OCIAD1: variants seen among roughly 807,000 people sequenced by gnomAD.
OCIAD1 encodes the protein OCIA domain-containing protein 1.
Under a neutral mutation model 38.9 loss-of-function variants are expected in OCIAD1, and 29 were observed. The ratio of observed to expected loss-of-function variants is 0.74; its 90% confidence interval spans 0.55 to 1.02. OCIAD1 has a LOEUF of 1.02. OCIAD1 is among the 50% of genes least tolerant of loss of function. OCIAD1 has a pLI of 0.00. For synonymous variants in OCIAD1, 110 were observed against 92.0 expected, an observed-to-expected ratio of 1.20 and a Z score of -1.12; for missense variants, 288 against 289.6, an observed-to-expected ratio of 0.99 and a Z score of 0.04.
chr4:48,842,164 T>G (rs911536500), intron 3 of OCIAD1, among the ~76,000 whole-genome samples: 2 of 152,230 alleles, frequency 1.3e-5, no homozygotes, highest in African/African-American at 4.8e-5. Context: ...ATTATCTACC[T>G]TATAGAAATA....
At chr4:48,815,503 T>G (rs1032870206) in intron 1 of OCIAD1, among the ~76,000 whole-genome samples, 29 of 152,304 alleles carry the variant, frequency 1.9e-4, no homozygotes, top group African/African-American at 6.7e-4. Context: ...GAATTTACAT[T>G]TCTTGGTAAG....
intron 1 of OCIAD1, among the ~76,000 whole-genome samples, chr4:48,807,117 T>C (rs1777036345): frequency 6.6e-6 from 1 of 152,080 alleles, no homozygotes; most frequent in African/African-American, 2.4e-5. Context: ...ATGTTACCCA[T>C]GCTAGTCTCA....
At chr4:48,832,541 A>T in intron 1 of OCIAD1, 79 bp from the exon 2 acceptor site, 1 of 1,026,988 alleles carries the variant, frequency 9.7e-7, no homozygotes, top group Non-Finnish European at 1.5e-6. Flanking sequence ...TAGTAGTTTT[A>T]CTATATCATA....
At chr4:48,857,120 T>C (rs538721720) in intron 7 of OCIAD1, 93 bp from the exon 8 acceptor site, 1 of 615,214 alleles carries the variant, frequency 1.6e-6, no homozygotes, top group Admixed American at 3.3e-5. Context: ...ATTTTGATTG[T>C]AGCTCCTTTT....
intron 6 of OCIAD1, 69 bp from the exon 7 acceptor site, chr4:48,851,737 A>G (rs1779492665): frequency 1.2e-6 from 1 of 840,916 alleles, no homozygotes; most frequent in Admixed American, 2.5e-5. Context: ...GAAAGAAGTT[A>G]TTTTAACACT....
chr4:48,852,541 G>C (rs1235405742), intron 7 of OCIAD1: 1 of 152,146 alleles, frequency 6.6e-6, no homozygotes, highest in Non-Finnish European at 1.5e-5. Context: ...TTAAGGCTTG[G>C]ATTTGAATCA....
chr4:48,843,808 G>A (rs142254708), intron 4 of OCIAD1, among the ~76,000 whole-genome samples: 3 of 152,264 alleles, frequency 2.0e-5, no homozygotes, highest in East Asian at 3.9e-4. Context: ...GTTTATTATT[G>A]TTCTGCTTCT....
At chr4:48,858,159 C>G (rs763777779) in intron 8 of OCIAD1, among the ~76,000 whole-genome samples, 1 of 151,546 alleles carries the variant, frequency 6.6e-6, no homozygotes, top group Admixed American at 6.6e-5. Flanking sequence ...GTTCCCCCCT[C>G]CCCCCGCCAA....
chr4:48,837,118 C>T, intron 3 of OCIAD1: 1 of 152,104 alleles, frequency 6.6e-6, no homozygotes, highest in Non-Finnish European at 1.5e-5. Context: ...ATTACAGGCG[C>T]CTGCCACCAT....
intron 7 of OCIAD1, among the ~76,000 whole-genome samples, chr4:48,855,421 T>C (rs1779939813): frequency 6.6e-6 from 1 of 152,222 alleles, no homozygotes; most frequent in South Asian, 2.1e-4. Flanking sequence ...AAGAAAAATG[T>C]AGTTTTGAAC....
At chr4:48,807,607 T>A (rs1386541669) in intron 1 of OCIAD1, among the ~76,000 whole-genome samples, 15 of 152,226 alleles carry the variant, frequency 9.9e-5, no homozygotes, top group Admixed American at 2.0e-4. Context: ...TGCCTTTTTT[T>A]AAAAGTATGT....
intron 1 of OCIAD1, among the ~76,000 whole-genome samples, chr4:48,821,890 C>T (rs777079658): frequency 4.0e-5 from 6 of 151,876 alleles, no homozygotes; most frequent in South Asian, 4.1e-4. Flanking sequence ...CAAGGAAATA[C>T]GAGAGGACAC....
intron 5 of OCIAD1, among the ~76,000 whole-genome samples, chr4:48,848,901 C>T (rs1779184718): frequency 6.6e-6 from 1 of 151,952 alleles, no homozygotes; most frequent in Non-Finnish European, 1.5e-5. Context: ...AGCTACATTG[C>T]CCATCAATGA....
chr4:48,857,679 A>T (rs1780186181), intron 8 of OCIAD1, among the ~76,000 whole-genome samples: 1 of 151,840 alleles, frequency 6.6e-6, no homozygotes, highest in African/African-American at 2.4e-5. Context: ...ACGCCCAGCT[A>T]ATTTTTTGTA....
intron 5 of OCIAD1, among the ~76,000 whole-genome samples, chr4:48,849,225 C>T (rs1244794469): frequency 2.0e-5 from 3 of 151,940 alleles, no homozygotes; most frequent in Non-Finnish European, 4.4e-5. Flanking sequence ...AGCACACCAA[C>T]GTGGCACATG....
intron 1 of OCIAD1, among the ~76,000 whole-genome samples, chr4:48,825,571 C>T (rs535080730): frequency 1.3e-5 from 2 of 152,282 alleles, no homozygotes; most frequent in South Asian, 2.1e-4. Flanking sequence ...TCTAAATCAC[C>T]TCAGAGGACC....
At chr4:48,844,789 A>T (rs1324830719) in intron 4 of OCIAD1, among the ~76,000 whole-genome samples, 2 of 152,180 alleles carry the variant, frequency 1.3e-5, no homozygotes, top group Admixed American at 1.3e-4. Context: ...TAAGTCTCTG[A>T]TATAAAACGG....
intron 1 of OCIAD1, among the ~76,000 whole-genome samples, chr4:48,822,768 G>A (rs1160960797): frequency 1.3e-5 from 2 of 152,028 alleles, no homozygotes; most frequent in Non-Finnish European, 2.9e-5. Flanking sequence ...ACATTTATGT[G>A]GCCAACAAAC....
chr4:48,848,941 T>C (rs1579092029), intron 5 of OCIAD1, among the ~76,000 whole-genome samples: 1 of 152,046 alleles, frequency 6.6e-6, no homozygotes, highest in African/African-American at 2.4e-5. Flanking sequence ...GTGGCACATA[T>C]ACACCATGGA....
Sources: allele counts gnomAD v4.1 joint callset (sites outside exome capture counted in the v4.1 genomes callset), GRCh38; gene constraint gnomAD v4.1.1; transcripts MANE v1.5; gene names NCBI Gene and HGNC (gene_info 2026-07-23, HGNC 2026-07-21).